Variants in EFNA5 observed in about 807,000 individuals in gnomAD.
EFNA5 encodes the protein ephrin-A5.
A neutral mutation model predicts 22.9 loss-of-function variants in EFNA5; 5 were observed. The ratio of observed to expected loss-of-function variants is 0.22; its 90% CI spans 0.11 to 0.46. The LOEUF (loss-of-function observed/expected upper bound fraction) is 0.46. Ranked by LOEUF, EFNA5 falls within the 20% of genes least tolerant of loss-of-function variation. EFNA5 has a pLI of 0.99. For synonymous variants in EFNA5, 113 were observed against 112.2 expected (o/e 1.01, Z -0.04); for missense variants, 237 against 293.3 (o/e 0.81, Z 1.40).
At chr5:107,623,654 A>C (rs1444771245) in intron 1 of EFNA5, among the ~76,000 whole-genome samples, 1 of 151,998 alleles carries the variant, frequency 6.6e-6, no homozygotes, top group African/African-American at 2.4e-5. Flanking sequence ...TATTGTTTGT[A>C]ATTTTTGCCT....
intron 1 of EFNA5, among the ~76,000 whole-genome samples, chr5:107,482,848 C>T (rs1197834970): frequency 1.4e-5 from 1 of 71,372 alleles, no homozygotes; most frequent in African/African-American, 6.0e-5. Context: ...CTCTCTCTCT[C>T]TCTCTCTCTC....
intron 1 of EFNA5, among the ~76,000 whole-genome samples, chr5:107,579,280 G>T (rs1356285737): frequency 6.6e-6 from 1 of 152,172 alleles, no homozygotes; most frequent in African/African-American, 2.4e-5. Context: ...CCAACTGTGT[G>T]ACATGGAGCC....
intron 2 of EFNA5, among the ~76,000 whole-genome samples, chr5:107,422,244 A>T (rs892304532): frequency 6.6e-6 from 1 of 152,198 alleles, no homozygotes; most frequent in Non-Finnish European, 1.5e-5. Flanking sequence ...CTGTTTTCAG[A>T]TGGCGCCTGG....
At chr5:107,527,648 T>C (rs1050173948) in intron 1 of EFNA5, among the ~76,000 whole-genome samples, 10 of 152,130 alleles carry the variant, frequency 6.6e-5, no homozygotes, top group African/African-American at 2.4e-4. Flanking sequence ...TAAGAGAAAA[T>C]AATCTCAACA....
chr5:107,418,341 C>T (rs1474262223), intron 2 of EFNA5, among the ~76,000 whole-genome samples: 1 of 152,188 alleles, frequency 6.6e-6, no homozygotes, highest in Non-Finnish European at 1.5e-5. Context: ...AACTCTGAAA[C>T]CAAATTAGTG....
intron 1 of EFNA5, among the ~76,000 whole-genome samples, chr5:107,654,544 T>C (rs796384919): frequency 1.4e-4 from 22 of 152,282 alleles, no homozygotes; most frequent in African/African-American, 5.3e-4. Context: ...TTCCTTTTGC[T>C]TAAAGACTCA....
In EFNA5 at chr5:107,380,451, T is replaced by C. The variant is rs1033218333; in HGVS notation, c.*804A>G. 1.0e-4 allele frequency: 14 copies of C among 134,310 alleles called. No individual in the cohort carries two copies. Among genetic ancestry groups the C allele is most frequent in the Non-Finnish European group, 1.9e-4 (13 of 68,366 alleles). 8.3% of individuals were successfully genotyped at this position (134,310 alleles called of 1,614,324 possible). On this transcript the variant is annotated 3_prime_UTR_variant, in exon 5 of 5. Coordinates refer to ENST00000333274, the MANE Select transcript of EFNA5 (RefSeq NM_001962.3). ...GTGATCTGTATTCAAAGAAAAAATA[T>C]CTGGTGTGCACTGCCCAGTCACCAA...
In EFNA5 at chr5:107,462,683, C is replaced by T. The variant is rs148506985; in HGVS notation, c.126-35174G>A. On this transcript the variant is annotated intron_variant, in intron 1 of 4. Coordinates refer to ENST00000333274, the MANE Select transcript of EFNA5 (RefSeq NM_001962.3). ...AAACACCTGGCAAAATGTAAAGCTGCACCCTGCTATGTGGGACAGTGCTAC... is the reference window on the plus strand; with the variant it reads ...AAACACCTGGCAAAATGTAAAGCTGTACCCTGCTATGTGGGACAGTGCTAC... Among the ~76,000 whole-genome samples, 214 of 152,292 alleles carry T rather than the reference C, an allele frequency of 1.4e-3. 1 individual carries two copies. Among genetic ancestry groups the T allele is most frequent in the African/African-American group, 3.7e-3 (152 of 41,576 alleles).
chr5:107,533,136 C>G (rs1580516314), intron 1 of EFNA5, among the ~76,000 whole-genome samples: 1 of 152,072 alleles, frequency 6.6e-6, no homozygotes, highest in Non-Finnish European at 1.5e-5. Context: ...TCTTTAACAG[C>G]TGAGATGACA....
At chr5:107,615,148 A>T (rs952039340) in intron 1 of EFNA5, among the ~76,000 whole-genome samples, 13 of 148,266 alleles carry the variant, frequency 8.8e-5, no homozygotes, top group African/African-American at 2.5e-4. Context: ...TTCCACCTTT[A>T]AAAAAAAAAA....
intron 2 of EFNA5, among the ~76,000 whole-genome samples, chr5:107,388,851 T>C (rs1747711545): frequency 6.6e-6 from 1 of 152,234 alleles, no homozygotes; most frequent in Admixed American, 6.5e-5. Context: ...ATTTGGTGTG[T>C]CTTCTCTCTC....
intron 1 of EFNA5, among the ~76,000 whole-genome samples, chr5:107,627,635 CAAAA>C (rs758660866): frequency 1.4e-5 from 1 of 72,082 alleles, no homozygotes; most frequent in Non-Finnish European, 2.7e-5. Flanking sequence ...GACCACATCT[CAAAA>C]AAAAAAAAAA....
intron 1 of EFNA5, among the ~76,000 whole-genome samples, chr5:107,581,095 A>G (rs1749066199): frequency 6.6e-6 from 1 of 152,198 alleles, no homozygotes; most frequent in Non-Finnish European, 1.5e-5. Context: ...AAGTTGAGCA[A>G]TTCAGGCTGT....
At chr5:107,646,346 T>C (rs1179400642) in intron 1 of EFNA5, among the ~76,000 whole-genome samples, 1 of 152,172 alleles carries the variant, frequency 6.6e-6, no homozygotes, top group Non-Finnish European at 1.5e-5. Flanking sequence ...ACATCTTATA[T>C]ACAAAATATT....
chr5:107,609,809 C>T (rs1325777648), intron 1 of EFNA5, among the ~76,000 whole-genome samples: 2 of 152,176 alleles, frequency 1.3e-5, no homozygotes, highest in Admixed American at 6.5e-5. Flanking sequence ...CCCTGCCCGC[C>T]GCCGACTAGA....
intron 1 of EFNA5, among the ~76,000 whole-genome samples, chr5:107,547,548 C>T (rs1216222659): frequency 6.6e-6 from 1 of 151,858 alleles, no homozygotes; most frequent in African/African-American, 2.4e-5. Flanking sequence ...AAAATACAAG[C>T]CTACTTCATG....
intron 1 of EFNA5, among the ~76,000 whole-genome samples, chr5:107,500,616 C>A (rs1747110507): frequency 6.6e-6 from 1 of 152,086 alleles, no homozygotes; most frequent in African/African-American, 2.4e-5. Context: ...TCACCTCTTA[C>A]CCTCTTATAC....
intron 2 of EFNA5, among the ~76,000 whole-genome samples, chr5:107,395,497 A>G (rs1747898792): frequency 6.6e-6 from 1 of 152,260 alleles, no homozygotes; most frequent in Admixed American, 6.5e-5. Context: ...ATTGTCTAAG[A>G]AATTTCTTAA....
intron 1 of EFNA5, among the ~76,000 whole-genome samples, chr5:107,511,385 G>T (rs982061251): frequency 6.6e-6 from 1 of 151,888 alleles, no homozygotes; most frequent in East Asian, 1.9e-4. Context: ...ATGAGATCAG[G>T]GATATTTGAA....
Sources: allele counts gnomAD v4.1 joint callset (sites outside exome capture counted in the v4.1 genomes callset), GRCh38; gene constraint gnomAD v4.1.1; transcripts MANE v1.5; gene names NCBI Gene and HGNC (gene_info 2026-07-23, HGNC 2026-07-21).